Variants in ASTN2 observed in about 807,000 individuals in gnomAD.
The protein encoded by ASTN2 is astrotactin 2.
In ASTN2, 54 loss-of-function variants were observed where a neutral mutation model predicts 139.8. That is an observed-to-expected ratio of 0.39 (90% CI 0.31 to 0.48). The LOEUF is 0.48. Ranked by LOEUF, ASTN2 falls within the 20% of genes least tolerant of loss-of-function variation. The pLI is 0.95. For synonymous variants in ASTN2, 756 were observed against 719.5 expected (o/e 1.05, Z -0.81); for missense variants, 1,565 against 1,725.1 (o/e 0.91, Z 1.64).
rs116645135 is a variant in ASTN2 at position 117,182,564 on chromosome 9, T to C, written c.1015+31794A>G. Among the ~76,000 whole-genome samples, 825 of 152,308 alleles carry C rather than the reference T, an allele frequency of 5.4e-3. 5 individuals carry two copies. The highest frequency in any genetic ancestry group is 0.019 in the African/African-American group (789 of 41,580). ...ATAAGGTCCAAATGTAGCCGGGCACTCAAGGCCTGCCCCACCACCTCCTAA... is the reference window on the plus strand; with the variant it reads ...ATAAGGTCCAAATGTAGCCGGGCACCCAAGGCCTGCCCCACCACCTCCTAA... On this transcript the variant is annotated intron_variant, in intron 3 of 22. Transcript: ENST00000313400.
At chr9:117,258,248 C>T (rs1833738893) in intron 2 of ASTN2, among the ~76,000 whole-genome samples, 1 of 152,096 alleles carries the variant, frequency 6.6e-6, no homozygotes, top group Non-Finnish European at 1.5e-5. Context: ...CGGGAGAGGC[C>T]CCAGCAAAAC....
intron 11 of ASTN2, among the ~76,000 whole-genome samples, chr9:116,831,782 A>C (rs1400486516): frequency 1.3e-5 from 2 of 152,076 alleles, no homozygotes; most frequent in Non-Finnish European, 2.9e-5. Flanking sequence ...TTCCAGAAAA[A>C]TCTTGTCTAT....
chr9:117,017,043 G>T (rs989869941), intron 6 of ASTN2, among the ~76,000 whole-genome samples: 1 of 151,702 alleles, frequency 6.6e-6, no homozygotes, highest in African/African-American at 2.4e-5. Context: ...TGAGTTAGGG[G>T]TGTTTGAGTC....
At chr9:117,117,389 G>C (rs1480848945) in intron 4 of ASTN2, among the ~76,000 whole-genome samples, 1 of 120,576 alleles carries the variant, frequency 8.3e-6, no homozygotes, top group East Asian at 2.6e-4. Flanking sequence ...AGAAAAGAAC[G>C]AAGAAAGAGA....
intron 6 of ASTN2, among the ~76,000 whole-genome samples, chr9:117,011,981 C>T (rs138018887): frequency 2.5e-4 from 38 of 152,234 alleles, no homozygotes; most frequent in African/African-American, 8.2e-4. Context: ...AGGGCTTTTG[C>T]TTTCTCTCAT....
chr9:116,936,904 G>T (rs1024616541), intron 10 of ASTN2, among the ~76,000 whole-genome samples: 1 of 152,208 alleles, frequency 6.6e-6, no homozygotes, highest in Admixed American at 6.5e-5. Flanking sequence ...TTAGGGGCTG[G>T]ACAAATTGTT....
chr9:116,650,289 GAA>G (rs1232621891), intron 17 of ASTN2, among the ~76,000 whole-genome samples: 1 of 152,040 alleles, frequency 6.6e-6, no homozygotes, highest in African/African-American at 2.4e-5. Context: ...ATTGCATTTG[GAA>G]AAAGTGTTCC....
chr9:117,258,291 G>C (rs893777202), intron 2 of ASTN2, among the ~76,000 whole-genome samples: 1 of 152,128 alleles, frequency 6.6e-6, no homozygotes, highest in Admixed American at 6.6e-5. Flanking sequence ...GAGTCTCTGC[G>C]GGCATTAATG....
intron 3 of ASTN2, among the ~76,000 whole-genome samples, chr9:117,170,303 C>T (rs1170248068): frequency 2.6e-5 from 4 of 152,044 alleles, no homozygotes; most frequent in African/African-American, 7.2e-5. Flanking sequence ...TCCTCTGTTT[C>T]CCATTGTGTG....
At chr9:116,608,358 A>G (rs1855323774) in intron 19 of ASTN2, among the ~76,000 whole-genome samples, 1 of 152,204 alleles carries the variant, frequency 6.6e-6, no homozygotes, top group Non-Finnish European at 1.5e-5. Flanking sequence ...AAGGGCCAGT[A>G]ATAGTGCCTG....
chr9:116,438,079 A>G (rs983715695), intron 22 of ASTN2, among the ~76,000 whole-genome samples: 2 of 152,134 alleles, frequency 1.3e-5, no homozygotes, highest in African/African-American at 4.8e-5. Context: ...AATACCCTAC[A>G]TGGTCATTTT....
chr9:116,663,566 T>C (rs1301430156), intron 16 of ASTN2, among the ~76,000 whole-genome samples: 1 of 152,184 alleles, frequency 6.6e-6, no homozygotes, highest in African/African-American at 2.4e-5. Flanking sequence ...CAAGATTGAG[T>C]TACTTCTCCG....
chr9:116,464,000 G>A (rs568725485), intron 20 of ASTN2, among the ~76,000 whole-genome samples: 40 of 147,314 alleles, frequency 2.7e-4, no homozygotes, highest in African/African-American at 9.5e-4. Flanking sequence ...TTCCCACCTC[G>A]GCCTCCCAAA....
At chr9:117,177,848 G>A (rs1238271410) in intron 3 of ASTN2, among the ~76,000 whole-genome samples, 3 of 152,090 alleles carry the variant, frequency 2.0e-5, no homozygotes, top group African/African-American at 4.8e-5. Context: ...TCCTTTAGTG[G>A]TAGGTGGGGC....
At position 116,781,509 on chromosome 9, in the gene ASTN2, C is replaced by T. The variant is rs141787039; in HGVS notation, c.2396+24123G>A. On this transcript the variant is annotated intron_variant, in intron 13 of 22. Coordinates refer to ENST00000313400, the MANE Select transcript of ASTN2 (RefSeq NM_001365068.1). Reference sequence around the variant, plus strand: ...ATCATTTGGATGTTTGCACAATTTCCTGGCAATTTGTGTCGGTCCACAAGC... The same window carrying T: ...ATCATTTGGATGTTTGCACAATTTCTTGGCAATTTGTGTCGGTCCACAAGC... Among the ~76,000 whole-genome samples, 123 of 152,200 alleles carry T rather than the reference C, an allele frequency of 8.1e-4. 1 individual carries two copies. Among genetic ancestry groups the T allele is most frequent in the African/African-American group, 2.9e-3 (120 of 41,518 alleles).
chr9:116,621,500 A>T (rs1384544892), intron 17 of ASTN2, among the ~76,000 whole-genome samples: 1 of 151,742 alleles, frequency 6.6e-6, no homozygotes. Flanking sequence ...CCCTCTCTGC[A>T]CTCCAATTTA....
intron 4 of ASTN2, among the ~76,000 whole-genome samples, chr9:117,119,984 A>G (rs1388496765): frequency 1.5e-5 from 1 of 67,444 alleles, no homozygotes; most frequent in Non-Finnish European, 3.3e-5. Context: ...ATCTCTATAT[A>G]TTTGTATGTG....
At chr9:117,132,941 A>G (rs1829860365) in intron 4 of ASTN2, among the ~76,000 whole-genome samples, 2 of 152,174 alleles carry the variant, frequency 1.3e-5, no homozygotes, top group Admixed American at 1.3e-4. Context: ...TGGACAAAAG[A>G]ATGGCAGATA....
chr9:116,456,231 T>C (rs1848329469), intron 20 of ASTN2, among the ~76,000 whole-genome samples: 1 of 151,474 alleles, frequency 6.6e-6, no homozygotes, highest in Non-Finnish European at 1.5e-5. Flanking sequence ...ATGAACAGTC[T>C]GAAAAAGAAA....
Sources: gnomAD v4.1 joint callset for allele counts (sites outside exome capture counted in the v4.1 genomes callset) on GRCh38, gnomAD v4.1.1 for gene constraint, MANE v1.5 for transcripts, NCBI Gene and HGNC (gene_info 2026-07-23, HGNC 2026-07-21) for gene names.